KIAA1549L: variants seen among roughly 807,000 people sequenced by gnomAD.
The protein encoded by KIAA1549L is UPF0606 protein KIAA1549L.
A neutral mutation model predicts 160.7 loss-of-function variants in KIAA1549L; 88 were observed. That is an observed-to-expected ratio of 0.55 (90% confidence interval 0.46 to 0.65). The LOEUF is 0.65. Ranked by LOEUF, KIAA1549L falls within the 30% of genes least tolerant of loss-of-function variation. The pLI is 0.00. For missense variants in KIAA1549L, 2,258 were observed against 2,437.5 expected (o/e 0.93, Z 1.55); for synonymous variants, 950 against 976.7 (o/e 0.97, Z 0.51).
chr11:33,461,740 G>A (rs776758503), intron 1 of KIAA1549L, among the ~76,000 whole-genome samples: 7 of 152,118 alleles, frequency 4.6e-5, no homozygotes, highest in Non-Finnish European at 8.8e-5. Flanking sequence ...CTTTTATGTG[G>A]TTTGGCTCAT....
At position 33,608,032 on chromosome 11, in the gene KIAA1549L, T is replaced by C. The variant is rs556371180; in HGVS notation, c.5061+1210T>C. 5.4e-4 allele frequency among the ~76,000 whole-genome samples: 82 copies of C among 152,298 alleles called. No homozygotes were observed. In the East Asian group the frequency reaches 7.1e-3, roughly 13 times the overall value. ...GCCATGAGGTTGAGGTCCCCTGACTTCCTGTCCAGCGCTCCTTTCCTCTCT... is the reference window on the plus strand; with the variant it reads ...GCCATGAGGTTGAGGTCCCCTGACTCCCTGTCCAGCGCTCCTTTCCTCTCT... On this transcript the variant is annotated intron_variant, in intron 14 of 20. Transcript: ENST00000658780.
chr11:33,494,100 C>T (rs1280256963), intron 1 of KIAA1549L, among the ~76,000 whole-genome samples: 2 of 152,188 alleles, frequency 1.3e-5, no homozygotes, highest in African/African-American at 4.8e-5. Flanking sequence ...GCCTAATTTG[C>T]CATCCTTCTT....
intron 1 of KIAA1549L, among the ~76,000 whole-genome samples, chr11:33,528,124 T>G (rs1038715269): frequency 1.3e-5 from 2 of 152,190 alleles, no homozygotes; most frequent in African/African-American, 4.8e-5. Context: ...GAACTGTGAG[T>G]CAATTAAACC....
chr11:33,395,915 G>GGTTTGAT (rs559812376), intron 1 of KIAA1549L, among the ~76,000 whole-genome samples: 14 of 152,200 alleles, frequency 9.2e-5, no homozygotes, highest in Middle Eastern at 3.4e-3. Context: ...TGCAGTTTGA[G>GGTTTGAT]GTCCTGATGG....
intron 1 of KIAA1549L, among the ~76,000 whole-genome samples, chr11:33,452,185 T>G (rs2761218): frequency 0.064 from 9,815 of 152,266 alleles, 1,072 homozygotes; most frequent in African/African-American, 0.22. Flanking sequence ...TTCATTCTCC[T>G]GCCCTTCTCA....
chr11:33,534,609 C>T (rs1317272442), intron 1 of KIAA1549L, among the ~76,000 whole-genome samples: 1 of 151,906 alleles, frequency 6.6e-6, no homozygotes, highest in African/African-American at 2.4e-5. Flanking sequence ...AATAAGAGTA[C>T]AGCCTGTTTC....
intron 16 of KIAA1549L, among the ~76,000 whole-genome samples, chr11:33,641,996 G>A (rs758355062): frequency 2.6e-5 from 4 of 152,058 alleles, no homozygotes; most frequent in Non-Finnish European, 4.4e-5. Flanking sequence ...ACCAATAATT[G>A]TCTGTTAAGC....
At chr11:33,424,584 C>A (rs1334506671) in intron 1 of KIAA1549L, among the ~76,000 whole-genome samples, 1 of 152,126 alleles carries the variant, frequency 6.6e-6, no homozygotes, top group African/African-American at 2.4e-5. Flanking sequence ...ACTGATGTCA[C>A]CACTTACAAA....
chr11:33,393,516 A>G (rs1315052326), intron 1 of KIAA1549L, among the ~76,000 whole-genome samples: 1 of 152,250 alleles, frequency 6.6e-6, no homozygotes, highest in Non-Finnish European at 1.5e-5. Context: ...TATTTTGGTT[A>G]TAAGTGAGGA....
In KIAA1549L at chr11:33,544,928, A is replaced by G. The variant is rs373026036; in HGVS notation, c.2935A>G (p.Thr979Ala). The change falls in exon 3 of 21, where the codon ACT becomes GCT. Residue 979 changes from threonine to alanine, a missense_variant. Coordinates refer to ENST00000658780, the MANE Select transcript of KIAA1549L (RefSeq NM_012194.3). ...AGGACCAGCTAAGAGCAGTTCGATG[A>G]CTACTCTTGCTAAAAATGTCACAAA... Reference protein sequence around the residue: ...ASGPAKSSSMTTLAKNVTNKA... With the variant: ...ASGPAKSSSMATLAKNVTNKA... The G allele has an allele frequency of 6.2e-7, 1 of 1,613,402 alleles. No homozygotes were observed. Among genetic ancestry groups the G allele is most frequent in the Non-Finnish European group, 8.5e-7 (1 of 1,179,678 alleles).
chr11:33,611,624 G>A (rs942447426), intron 15 of KIAA1549L, among the ~76,000 whole-genome samples: 32 of 152,274 alleles, frequency 2.1e-4, no homozygotes, highest in African/African-American at 7.7e-4. Flanking sequence ...TTATAGGGAG[G>A]CTGATTGGTT....
intron 1 of KIAA1549L, among the ~76,000 whole-genome samples, chr11:33,447,652 T>C (rs59194682): frequency 0.036 from 4,576 of 126,304 alleles, 110 homozygotes; most frequent in African/African-American, 0.083. Context: ...CACACAAAAT[T>C]TTAGCATTCT....
intron 1 of KIAA1549L, among the ~76,000 whole-genome samples, chr11:33,391,723 G>A (rs1030586432): frequency 6.6e-6 from 1 of 152,170 alleles, no homozygotes; most frequent in African/African-American, 2.4e-5. Flanking sequence ...TGGTCACTGG[G>A]AGATGCAGGG....
chr11:33,404,597 AAAAT>A (rs1850606512), intron 1 of KIAA1549L, among the ~76,000 whole-genome samples: 1 of 152,194 alleles, frequency 6.6e-6, no homozygotes, highest in Non-Finnish European at 1.5e-5. Context: ...TTCATGGAAA[AAAAT>A]AAAAAGAAAA....
intron 1 of KIAA1549L, among the ~76,000 whole-genome samples, chr11:33,434,482 G>A (rs1346156222): frequency 1.3e-5 from 2 of 152,172 alleles, no homozygotes; most frequent in Non-Finnish European, 1.5e-5. Context: ...ACTGGTACCA[G>A]GAGTGGGGTT....
At chr11:33,666,865 C>T (rs1852474246) in intron 20 of KIAA1549L, among the ~76,000 whole-genome samples, 1 of 152,204 alleles carries the variant, frequency 6.6e-6, no homozygotes, top group African/African-American at 2.4e-5. Flanking sequence ...TCAGTTTCCT[C>T]ATCTGCAAGG....
At chr11:33,420,238 T>TGTTTGTTTTTTTTGTTTTGTTTTG (rs200546918) in intron 1 of KIAA1549L, among the ~76,000 whole-genome samples, 2,120 of 148,158 alleles carry the variant, frequency 0.014, 31 homozygotes, top group Non-Finnish European at 0.022. Context: ...TTTTTTTGTT[T>TGTTTGTTTTTTTTGTTTTGTTTTG]TTTTTTTTTT....
intron 1 of KIAA1549L, among the ~76,000 whole-genome samples, chr11:33,439,727 C>T (rs2985037): frequency 0.31 from 46,330 of 151,730 alleles, 7,627 homozygotes; most frequent in East Asian, 0.49. Context: ...TTCTATGCAT[C>T]GGGTACATTT....
At chr11:33,449,331 C>G (rs1851675672) in intron 1 of KIAA1549L, among the ~76,000 whole-genome samples, 1 of 151,466 alleles carries the variant, frequency 6.6e-6, no homozygotes. Context: ...ATTTTAGTGT[C>G]TATTATGGTG....
Sources: gnomAD v4.1 joint callset for allele counts (sites outside exome capture counted in the v4.1 genomes callset) on GRCh38, gnomAD v4.1.1 for gene constraint, MANE v1.5 for transcripts, NCBI Gene and HGNC (gene_info 2026-07-23, HGNC 2026-07-21) for gene names.